The following ITGAE variants were observed in gnomAD, a reference collection of about 807,000 sequenced individuals.
ITGAE encodes the protein integrin alpha-E.
Under a neutral mutation model 136.5 loss-of-function variants are expected in ITGAE, and 99 were observed. The ratio of observed to expected loss-of-function variants is 0.73; its 90% CI spans 0.62 to 0.86. The LOEUF is 0.86. ITGAE is among the 40% of genes least tolerant of loss of function. The pLI is 0.00. For synonymous variants in ITGAE, 613 were observed against 591.8 expected (o/e 1.04, Z -0.52); for missense variants, 1,447 against 1,515.3 (o/e 0.95, Z 0.75).
chr17:3,723,682 G>A lies in ITGAE; in HGVS notation c.3141+6C>T. On this transcript the variant is annotated splice_donor_region_variant and intron_variant, in intron 27 of 30. Transcript: ENST00000263087. ...TCCCCTGGCCTCTCGGGACGGCCGC[G>A]CTTACCTGAACCGAACTGTACGCAC... 1.3e-6 allele frequency: 2 copies of A among 1,589,400 alleles called. No homozygotes were observed. Among genetic ancestry groups the A allele is most frequent in the South Asian group, 2.3e-5 (2 of 88,554 alleles).
In ITGAE at chr17:3,761,517, A is replaced by C; in HGVS notation, c.319T>G (p.Cys107Gly). 1 of 1,611,994 alleles carries C rather than the reference A, an allele frequency of 6.2e-7. No homozygotes were observed. Among genetic ancestry groups the C allele is most frequent in the Non-Finnish European group, 8.5e-7 (1 of 1,179,052 alleles). The change falls in exon 5 of 31, where the codon TGC becomes GGC. Residue 107 changes from cysteine (C) to glycine (G), a missense_variant. By Grantham distance (159) the Cys-to-Gly change is radical. Around this residue, in one of 3 missense-constraint regions of ITGAE, gnomAD observed 310 missense variants for 416.1 expected, o/e 0.74. Coordinates refer to ENST00000263087, the MANE Select transcript of ITGAE (RefSeq NM_002208.5). Reference sequence around the variant, plus strand: ...GGCCGCCGGACCAGCACTTGAATGCATATCTGTGGGAGGGAAGAGAGGGTG... The same window carrying C: ...GGCCGCCGGACCAGCACTTGAATGCCTATCTGTGGGAGGGAAGAGAGGGTG... The part of the protein sequence containing the change: ...VVRSHHGVLI[C>G]IQVLVRRPHS...
Position 3,726,100 on chromosome 17 carries a change from A to G in ITGAE, c.3084+1819T>C, listed in dbSNP as rs771368960. On this transcript the variant is annotated intron_variant, in intron 26 of 30. Transcript: ENST00000263087. ...GACGGTGACTACCAGTTTGACATCT[A>G]CAGGCTCATGAAGAAGGAGAATAAC... 5 of 1,614,242 alleles carry G rather than the reference A, an allele frequency of 3.1e-6. No homozygotes were observed. In the South Asian group the frequency reaches 4.4e-5, roughly 14 times the overall value.
chr17:3,739,525 T>C (rs1467954498), intron 20 of ITGAE, among the ~76,000 whole-genome samples: 1 of 152,212 alleles, frequency 6.6e-6, no homozygotes, highest in African/African-American at 2.4e-5. Context: ...TATAGCATTG[T>C]CCGGGATGTC....
intron 26 of ITGAE, chr17:3,724,369 G>T (rs55991903): frequency 1.2e-6 from 2 of 1,604,856 alleles, no homozygotes; most frequent in African/African-American, 2.7e-5. Context: ...GACTCCGGCC[G>T]CCTCAGCCCG....
At position 3,760,196 on chromosome 17, in the gene ITGAE, C is replaced by A. The variant is rs1364464008; in HGVS notation, c.690G>T (p.Arg230Ser). 1.9e-6 allele frequency: 3 copies of A among 1,612,688 alleles called. No homozygotes were observed. Among genetic ancestry groups the A allele is most frequent in the Non-Finnish European group, 2.5e-6 (3 of 1,178,854 alleles). The part of the protein sequence containing the change: ...RAKDFISNMM[R>S]NFYEKCFECN... ...CCTCAAAACACTTTTCATAGAAGTT[C>A]CTCATCATGTTGGAGATGAAGTCTT... The change falls in exon 7 of 31, where the codon AGG becomes AGT. Residue 230 changes from arginine (R) to serine (S), a missense_variant. Physicochemically the swap from Arg to Ser is moderately radical, Grantham distance 110 (BLOSUM62 -1). Transcript: ENST00000263087.
intron 26 of ITGAE, among the ~76,000 whole-genome samples, chr17:3,727,202 G>T (rs2051233257): frequency 6.6e-6 from 1 of 152,074 alleles, no homozygotes; most frequent in Admixed American, 6.6e-5. Flanking sequence ...CCAGACTACA[G>T]ATGAGACAAC....
intron 3 of ITGAE, among the ~76,000 whole-genome samples, chr17:3,763,451 A>C (rs1178160263): frequency 1.3e-5 from 2 of 152,266 alleles, no homozygotes; most frequent in East Asian, 3.9e-4. Context: ...GATGACTTGC[A>C]TCAGGAAGGG....
chr17:3,784,147 C>A lies in ITGAE; in HGVS notation c.35-6487G>T, dbSNP rs576451723. On this transcript the variant is annotated intron_variant, in intron 1 of 30. Transcript: ENST00000263087. ...TGGTGGCGGGCGCCTGTAGTCCCAG[C>A]TACTCGGGAGGTTGAGGCAGGAGAA... is the stretch of plus-strand genomic sequence containing the variant. Among the ~76,000 whole-genome samples the A allele has an allele frequency of 2.2e-4, 34 of 152,042 alleles. No individual in the cohort carries two copies. In the South Asian group the frequency reaches 6.9e-3, roughly 31 times the overall value.
chr17:3,800,664 C>T (rs1405054488), intron 1 of ITGAE, among the ~76,000 whole-genome samples: 2 of 152,226 alleles, frequency 1.3e-5, no homozygotes, highest in Non-Finnish European at 2.9e-5. Flanking sequence ...GACACTTGCC[C>T]CCAGTCTCTG....
Position 3,801,138 on chromosome 17 carries a change from G to A in ITGAE, c.7C>T (p.Leu3Phe), listed in dbSNP as rs367988427. ...GCTATGCAGAGCAGAGTGTGGAAGA[G>A]CCACATCCTTGCTGGAGCAGAGGCG... MW[L>F]FHTLLCIASL... The change falls in exon 1 of 31, where the codon CTC (leucine) becomes TTC (phenylalanine). Residue 3 changes from leucine to phenylalanine, a missense_variant. Transcript: ENST00000263087. 1 of 1,611,910 alleles carries A rather than the reference G, an allele frequency of 6.2e-7. No individual in the cohort carries two copies. Among genetic ancestry groups the A allele is most frequent in the Non-Finnish European group, 8.5e-7 (1 of 1,180,006 alleles).
intron 4 of ITGAE, 70 bp downstream of exon 4, chr17:3,761,845 C>A: frequency 7.3e-7 from 1 of 1,366,706 alleles, no homozygotes. Flanking sequence ...CTGGTCTCAA[C>A]ACCAGGGTCA....
rs764409913 is a variant in ITGAE at position 3,745,921 on chromosome 17, C to T, written c.2162G>A (p.Arg721His). 1.2e-6 allele frequency: 2 copies of T among 1,613,234 alleles called. No individual in the cohort carries two copies. Among genetic ancestry groups the T allele is most frequent in the Non-Finnish European group, 1.7e-6 (2 of 1,179,692 alleles). Residue 721 changes from arginine (R) to histidine (H), a missense_variant, in exon 18 of 31, where the codon CGC becomes CAC. By Grantham distance (29) the Arg-to-His change is conservative. This residue lies in a region of ITGAE where 1,031 missense variants were observed against 1,011.4 expected (regional missense o/e 1.02). Transcript: ENST00000263087. Reference sequence around the variant, plus strand: ...CAGCGTGAAGTTGAGAAGTGCCTCGCGGAGGCCTGGGAATGAAGACCAGAC... The same window carrying T: ...CAGCGTGAAGTTGAGAAGTGCCTCGTGGAGGCCTGGGAATGAAGACCAGAC... The part of the protein sequence containing the change: ...SVTTASESGL[R>H]EALLNFTLDV...
intron 1 of ITGAE, among the ~76,000 whole-genome samples, chr17:3,796,021 G>GC (rs1274697399): frequency 2.7e-4 from 36 of 133,172 alleles, no homozygotes; most frequent in Admixed American, 9.6e-4. Context: ...ATCCATGTGC[G>GC]CGTGTGTGCG....
intron 1 of ITGAE, among the ~76,000 whole-genome samples, chr17:3,791,638 A>G (rs934160150): frequency 2.6e-5 from 4 of 152,074 alleles, no homozygotes; most frequent in African/African-American, 9.7e-5. Flanking sequence ...AAATGACACG[A>G]TGTTTGGGGT....
chr17:3,800,360 G>A (rs1352538658), intron 1 of ITGAE, among the ~76,000 whole-genome samples: 1 of 152,000 alleles, frequency 6.6e-6, no homozygotes, highest in African/African-American at 2.4e-5. Flanking sequence ...TCCTGAGCAG[G>A]GGCAGGAGAC....
At position 3,731,168 on chromosome 17, in the gene ITGAE, C is replaced by T. The variant is rs748742455; in HGVS notation, c.2770G>A (p.Val924Ile). 1.7e-5 allele frequency: 27 copies of T among 1,613,332 alleles called. No homozygotes were observed. Among genetic ancestry groups the T allele is most frequent in the Middle Eastern group, 1.6e-4 (1 of 6,082 alleles). Residue 924 changes from valine (V) to isoleucine (I), a missense_variant, in exon 23 of 31, where the codon GTT becomes ATT. Val to Ile is a conservative substitution (Grantham distance 29). Around this residue, in one of 3 missense-constraint regions of ITGAE, gnomAD observed 1,031 missense variants for 1,011.4 expected, o/e 1.02. Coordinates refer to ENST00000263087, the MANE Select transcript of ITGAE (RefSeq NM_002208.5). Reference sequence around the variant, plus strand: ...AAGGCATTCTCCTCTAGCTGCCAAACGACTGAAACATGAGCCTATTTTAAA... The same window carrying T: ...AAGGCATTCTCCTCTAGCTGCCAAATGACTGAAACATGAGCCTATTTTAAA... The part of the protein sequence containing the change: ...LKRSSAHVSV[V>I]WQLEENAFPN...
intron 1 of ITGAE, among the ~76,000 whole-genome samples, chr17:3,782,140 T>C (rs979826288): frequency 2.0e-5 from 3 of 151,586 alleles, no homozygotes; most frequent in African/African-American, 7.3e-5. Context: ...CCGGGCATGG[T>C]GGCGGGTGCC....
At chr17:3,763,380 C>T (rs187133963) in intron 3 of ITGAE, among the ~76,000 whole-genome samples, 22 of 152,132 alleles carry the variant, frequency 1.4e-4, no homozygotes, top group Admixed American at 1.4e-3. Context: ...AGGCCCCATG[C>T]TAGTTACTAG....
In ITGAE at chr17:3,739,810, GA is replaced by G; in HGVS notation, c.2516del (p.Val839AlafsTer14). Reference sequence around the variant, plus strand: ...GACGGCTATGTCCAACTCACTGAGAGACGGTGGTGGCCAACTGTAATTCTGC... The same window carrying G: ...GACGGCTATGTCCAACTCACTGAGAGCGGTGGTGGCCAACTGTAATTCTGC... ...CVAELQLATT[V>X]SQQELVVGLT... On this transcript the variant is annotated frameshift_variant, in exon 20 of 31. Coordinates refer to ENST00000263087, the MANE Select transcript of ITGAE (RefSeq NM_002208.5). LOFTEE classifies it high-confidence loss of function. 1.2e-6 allele frequency: 2 copies of G among 1,614,056 alleles called. No individual in the cohort carries two copies. Among genetic ancestry groups the G allele is most frequent in the Non-Finnish European group, 1.7e-6 (2 of 1,179,872 alleles).
Sources: gnomAD v4.1 joint callset for allele counts (sites outside exome capture counted in the v4.1 genomes callset) on GRCh38, gnomAD v4.1.1 for gene constraint, gnomAD v4.1.1 regional missense constraint, MANE v1.5 for transcripts, NCBI Gene and HGNC (gene_info 2026-07-23, HGNC 2026-07-21) for gene names.